Variants in TLE1 observed in about 807,000 individuals in gnomAD.
The protein encoded by TLE1 is TLE family member 1, transcriptional corepressor, also known as transducin-like enhancer protein 1.
TLE1 carries 21 observed loss-of-function variants against 89.8 expected under a neutral mutation model. That is an observed-to-expected ratio of 0.23 (90% confidence interval 0.17 to 0.34). The LOEUF is 0.34. Among genes scored for constraint, TLE1 ranks in the 10% least tolerant of loss-of-function variants. TLE1 has a pLI of 1.00. For synonymous variants in TLE1, 447 were observed against 407.6 expected (o/e 1.10, Z -1.16); for missense variants, 795 against 1,031.2 (o/e 0.77, Z 3.14).
In TLE1 at chr9:81,620,816, A is replaced by G; in HGVS notation, c.595-259T>C. 3.3e-6 allele frequency: 4 copies of G among 1,200,252 alleles called. No individual in the cohort carries two copies. The African/African-American group carries it at 6.2e-5, about 18-fold the overall frequency. The allele number at this position is 1,200,252 out of a possible 1,614,324, so 74.4% of individuals were successfully genotyped here. A position where few individuals can be genotyped will look rare whatever the true frequency, so the allele number is the denominator to read the frequency against. On this transcript the variant is annotated intron_variant, in intron 8 of 19. Coordinates refer to ENST00000376499, the MANE Select transcript of TLE1 (RefSeq NM_005077.5). ...CTCCTTGGAAATGTGCTTCTGTCCT[A>G]TTTACTGTTTGAGAAATAGGAGCTT...
intron 4 of TLE1, among the ~76,000 whole-genome samples, chr9:81,655,802 G>C (rs1460675068): frequency 6.7e-6 from 1 of 149,416 alleles, no homozygotes; most frequent in South Asian, 2.1e-4. Flanking sequence ...GCGGTGAGCT[G>C]AGATCGCGCC....
intron 4 of TLE1, among the ~76,000 whole-genome samples, chr9:81,667,146 C>T (rs1010595820): frequency 2.0e-5 from 3 of 152,000 alleles, no homozygotes; most frequent in Non-Finnish European, 4.4e-5. Flanking sequence ...GGCACGGTGG[C>T]TCACACCTAC....
At chr9:81,589,130 G>A (rs1318440437) in intron 16 of TLE1, among the ~76,000 whole-genome samples, 1 of 152,118 alleles carries the variant, frequency 6.6e-6, no homozygotes, top group Non-Finnish European at 1.5e-5. Context: ...ACCCAGGCCT[G>A]GAGCAGTCCC....
chr9:81,634,867 A>G (rs1027174054), intron 6 of TLE1, among the ~76,000 whole-genome samples: 2 of 152,174 alleles, frequency 1.3e-5, no homozygotes, highest in African/African-American at 4.8e-5. Flanking sequence ...GTATGATGAG[A>G]CAAAACCAAA....
chr9:81,684,505 C>A (rs182999130), intron 4 of TLE1, among the ~76,000 whole-genome samples: 1 of 152,088 alleles, frequency 6.6e-6, no homozygotes, highest in East Asian at 1.9e-4. Flanking sequence ...TCAAAGAGTG[C>A]GGAGTTACAA....
chr9:81,627,310 TTC>T (rs1454930085), intron 8 of TLE1, among the ~76,000 whole-genome samples: 4 of 138,248 alleles, frequency 2.9e-5, no homozygotes, highest in South Asian at 2.3e-4. Context: ...GGAAAAATTG[TTC>T]TCTCACTTTT....
At chr9:81,632,856 C>A (rs186892639) in intron 8 of TLE1, among the ~76,000 whole-genome samples, 9 of 152,240 alleles carry the variant, frequency 5.9e-5, no homozygotes, top group African/African-American at 2.2e-4. Flanking sequence ...ATATGGAAAC[C>A]TAGCAACCAA....
At position 81,587,822 on chromosome 9, in the gene TLE1, G is replaced by A. The variant is rs375599212; in HGVS notation, c.1836C>T (p.Phe612=). The change falls in exon 17 of 20, where the codon TTC becomes TTT. Residue 612 remains phenylalanine (F), a synonymous_variant. Transcript: ENST00000376499. ...AGCTGGCTCCGTCTGTGTGGCCCTG[G>A]AATTGCCTGATAAAACAAACCAGAT... ...DLHNQTLVRQ[F]QGHTDGASCI... 47 of 1,613,534 alleles carry A rather than the reference G, an allele frequency of 2.9e-5. No homozygotes were observed. The highest frequency in any genetic ancestry group is 3.8e-5 in the Non-Finnish European group (45 of 1,179,920).
chr9:81,608,791 G>A (rs1015278113), intron 14 of TLE1, among the ~76,000 whole-genome samples: 3 of 151,864 alleles, frequency 2.0e-5, no homozygotes, highest in African/African-American at 7.3e-5. Context: ...ACAAAAATTA[G>A]CCAGGCATAG....
rs773343619 is a variant in TLE1 at position 81,687,345 on chromosome 9, C to A, written c.114G>T (p.Ala38=). 1.9e-6 allele frequency: 3 copies of A among 1,605,236 alleles called. No individual in the cohort carries two copies. The highest frequency in any genetic ancestry group is 2.5e-6 in the Non-Finnish European group (3 of 1,177,456). Reference sequence around the variant, plus strand: ...GGCCGGACACGCACCTGTGATACTGCGCCTGCAGGAACTGGAATTCCTCTT... The same window carrying A: ...GGCCGGACACGCACCTGTGATACTGAGCCTGCAGGAACTGGAATTCCTCTT... ...RIKEEFQFLQ[A]QYHSLKLECE... is the part of the protein sequence containing the mutation. Residue 38 remains alanine (A), a synonymous_variant, in exon 2 of 20, where the codon GCG becomes GCT. Coordinates refer to ENST00000376499, the MANE Select transcript of TLE1 (RefSeq NM_005077.5).
At position 81,651,173 on chromosome 9, in the gene TLE1, G is replaced by C. The variant is rs573571671; in HGVS notation, c.372+1041C>G. 2.6e-5 allele frequency among the ~76,000 whole-genome samples: 4 copies of C among 152,208 alleles called. No individual in the cohort carries two copies. In the South Asian group the frequency reaches 8.3e-4, roughly 32 times the overall value. On this transcript the variant is annotated intron_variant, in intron 6 of 19. Transcript: ENST00000376499. The stretch of plus-strand genomic sequence containing the variant: ...CTGAGGGAACTATAAAGACCAGCAG[G>C]GCATCATCTCACAAGCAATTAACAT...
chr9:81,669,134 G>A (rs543089218), intron 4 of TLE1, among the ~76,000 whole-genome samples: 2 of 152,332 alleles, frequency 1.3e-5, no homozygotes, highest in African/African-American at 4.8e-5. Flanking sequence ...AAGACTTCCT[G>A]CCATTTGGAC....
chr9:81,590,390 C>A, intron 16 of TLE1, among the ~76,000 whole-genome samples: 1 of 152,178 alleles, frequency 6.6e-6, no homozygotes, highest in East Asian at 1.9e-4. Flanking sequence ...CTTCTCATGT[C>A]CCTTTGTTGA....
At chr9:81,593,782 A>G (rs815861) in intron 14 of TLE1, among the ~76,000 whole-genome samples, 2 of 152,098 alleles carry the variant, frequency 1.3e-5, no homozygotes, top group Non-Finnish European at 2.9e-5. Context: ...AGTTTATGGT[A>G]TGGACTTCAA....
At chr9:81,687,554 G>A (rs1834466001) in intron 1 of TLE1, 120 bp from the exon 2 acceptor site, 1 of 723,364 alleles carries the variant, frequency 1.4e-6, no homozygotes, top group Non-Finnish European at 2.3e-6. Context: ...GGCTGAAAAC[G>A]AGGCCCCAAA....
At chr9:81,601,075 T>C (rs188285980) in intron 14 of TLE1, among the ~76,000 whole-genome samples, 140 of 152,326 alleles carry the variant, frequency 9.2e-4, no homozygotes, top group African/African-American at 3.0e-3. Context: ...ATCTATAGTT[T>C]ATTGGTTCTG....
At chr9:81,613,302 A>G in intron 12 of TLE1, 75 bp downstream of exon 12, 1 of 1,561,414 alleles carries the variant, frequency 6.4e-7, no homozygotes, top group Non-Finnish European at 8.7e-7. Flanking sequence ...CAATTGCGTC[A>G]CAACATTAAC....
In TLE1 at chr9:81,674,495, A is replaced by G. The variant is rs148828029; in HGVS notation, c.234+11181T>C. On this transcript the variant is annotated intron_variant, in intron 4 of 19. Transcript: ENST00000376499. ...ACCCCCTTACCACCCAAGGTCCCTGAGGCCAACTGAAAATCTCCATCACGA... is the reference window on the plus strand; with the variant it reads ...ACCCCCTTACCACCCAAGGTCCCTGGGGCCAACTGAAAATCTCCATCACGA... Among the ~76,000 whole-genome samples the G allele has an allele frequency of 4.0e-3, 611 of 152,310 alleles. 5 individuals carry two copies. The highest frequency in any genetic ancestry group is 0.012 in the African/African-American group (480 of 41,574).
At chr9:81,639,141 G>T (rs895863380) in intron 6 of TLE1, among the ~76,000 whole-genome samples, 13 of 151,922 alleles carry the variant, frequency 8.6e-5, no homozygotes, top group Non-Finnish European at 1.3e-4. Flanking sequence ...GCCCAGGCTG[G>T]TCTGGAACTC....
Sources: gnomAD v4.1 joint callset for allele counts (sites outside exome capture counted in the v4.1 genomes callset) on GRCh38, gnomAD v4.1.1 for gene constraint, MANE v1.5 for transcripts, NCBI Gene and HGNC (gene_info 2026-07-23, HGNC 2026-07-21) for gene names.